The following USP49 variants were observed in gnomAD, a reference collection of about 807,000 sequenced individuals.
USP49 encodes ubiquitin carboxyl-terminal hydrolase 49.
In USP49, 24 loss-of-function variants were observed where a neutral mutation model predicts 58.6. The ratio of observed to expected loss-of-function variants is 0.41; its 90% CI spans 0.30 to 0.58. The LOEUF (loss-of-function observed/expected upper bound fraction) is 0.58, where lower values mean the gene tolerates loss of function less well. USP49 is among the 20% of genes least tolerant of loss of function. The pLI, the probability that USP49 is intolerant of heterozygous loss-of-function variation, is 0.30. For missense variants in USP49, 703 were observed against 866.1 expected (o/e 0.81, Z 2.36); for synonymous variants, 408 against 365.1 (o/e 1.12, Z -1.34).
intron 3 of USP49, among the ~76,000 whole-genome samples, chr6:41,841,848 G>C (rs1179074938): frequency 1.2e-4 from 18 of 152,182 alleles, no homozygotes. Flanking sequence ...CCTGAGGTCA[G>C]GAGTTCAAGA....
At chr6:41,797,085 C>T (rs1407209464) in intron 7 of USP49, among the ~76,000 whole-genome samples, 1 of 151,766 alleles carries the variant, frequency 6.6e-6, no homozygotes, top group Non-Finnish European at 1.5e-5. Flanking sequence ...CTCAGCCTCT[C>T]GAGTAGCTGG....
In USP49 at chr6:41,790,668, T is replaced by TA. The variant is rs2127311907; in HGVS notation, c.*5864dup. The TA allele has an allele frequency of 6.6e-6, 1 of 152,328 alleles. No individual in the cohort carries two copies. The highest frequency in any genetic ancestry group is 2.1e-4 in the South Asian group (1 of 4,822). The allele number at this position is 152,328 out of a possible 1,614,324, so 9.4% of individuals were successfully genotyped here. A position where few individuals can be genotyped will look rare whatever the true frequency, so the allele number is the denominator to read the frequency against. The stretch of plus-strand genomic sequence containing the variant: ...CTAGCAGTTTGTTCACTACTAAAGT[T>TA]AAACAGGACAAAATAGTCTTTCCTG... On this transcript the variant is annotated 3_prime_UTR_variant, in exon 8 of 8. Transcript: ENST00000682992.
intron 3 of USP49, among the ~76,000 whole-genome samples, chr6:41,816,342 G>A (rs533467999): frequency 1.3e-5 from 2 of 152,212 alleles, no homozygotes; most frequent in African/African-American, 4.8e-5. Context: ...TTTCCTTATA[G>A]CTAAATTCAT....
intron 3 of USP49, among the ~76,000 whole-genome samples, chr6:41,810,133 C>CAG (rs971826882): frequency 3.3e-5 from 5 of 150,814 alleles, no homozygotes; most frequent in African/African-American, 1.2e-4. Flanking sequence ...GCCTGGGCGA[C>CAG]AGAGCAAGAC....
chr6:41,853,669 C>G (rs1774071311), intron 3 of USP49, among the ~76,000 whole-genome samples: 1 of 152,104 alleles, frequency 6.6e-6, no homozygotes, highest in Non-Finnish European at 1.5e-5. Context: ...AAGGCCATCT[C>G]AAGGTACCAA....
At chr6:41,878,390 C>A (rs1400714086) in intron 2 of USP49, among the ~76,000 whole-genome samples, 1 of 152,138 alleles carries the variant, frequency 6.6e-6, no homozygotes, top group Non-Finnish European at 1.5e-5. Context: ...ATTGGGAATT[C>A]CTTCTCACCA....
chr6:41,827,533 G>A (rs374247712), intron 3 of USP49, among the ~76,000 whole-genome samples: 35 of 152,020 alleles, frequency 2.3e-4, no homozygotes, highest in South Asian at 1.5e-3. Context: ...GGTGGTGGGC[G>A]CCTGTAGTCC....
At chr6:41,875,578 C>G (rs949813629) in intron 2 of USP49, among the ~76,000 whole-genome samples, 5 of 152,140 alleles carry the variant, frequency 3.3e-5, no homozygotes, top group African/African-American at 1.2e-4. Flanking sequence ...TCTAGTCTGC[C>G]TATTATTTCC....
At chr6:41,838,299 G>A (rs535195837) in intron 3 of USP49, among the ~76,000 whole-genome samples, 1 of 152,284 alleles carries the variant, frequency 6.6e-6, no homozygotes, top group Non-Finnish European at 1.5e-5. Flanking sequence ...TTCACTGCTA[G>A]CATAACCAGC....
At chr6:41,799,069 A>G (rs1246921034) in intron 6 of USP49, 140 bp from the exon 7 acceptor site, 2 of 898,030 alleles carry the variant, frequency 2.2e-6, no homozygotes, top group Non-Finnish European at 3.2e-6. Context: ...GGTGGTAATC[A>G]ATGTTCACAC....
In USP49 at chr6:41,829,166, T is replaced by G. The variant is rs1039503982; in HGVS notation, c.-28-22155A>C. 2.6e-5 allele frequency among the ~76,000 whole-genome samples: 4 copies of G among 152,328 alleles called. No individual in the cohort carries two copies. In the South Asian group the frequency reaches 8.3e-4, roughly 32 times the overall value. On this transcript the variant is annotated intron_variant, in intron 3 of 7. Coordinates refer to ENST00000682992, the MANE Select transcript of USP49 (RefSeq NM_001286554.2). Reference sequence around the variant, plus strand: ...TGATTGATTTCTGTATTAGGTTTAATCATATGAAACTGCAAATAAATATTT... The same window carrying G: ...TGATTGATTTCTGTATTAGGTTTAAGCATATGAAACTGCAAATAAATATTT...
chr6:41,877,148 G>A (rs995299130), intron 2 of USP49, among the ~76,000 whole-genome samples: 2 of 152,172 alleles, frequency 1.3e-5, no homozygotes. Flanking sequence ...TTTGCCATGG[G>A]TTTTGTCCAT....
intron 3 of USP49, among the ~76,000 whole-genome samples, chr6:41,830,992 C>A (rs958039581): frequency 1.3e-5 from 2 of 152,138 alleles, no homozygotes; most frequent in Admixed American, 1.3e-4. Flanking sequence ...ATTGGTGACT[C>A]ATGCCTGTAA....
intron 3 of USP49, among the ~76,000 whole-genome samples, chr6:41,824,165 A>G (rs188523543): frequency 6.6e-6 from 1 of 152,256 alleles, no homozygotes; most frequent in African/African-American, 2.4e-5. Context: ...GCTGGTTTTC[A>G]GCATCTTACA....
intron 3 of USP49, among the ~76,000 whole-genome samples, chr6:41,840,141 G>A (rs1376892228): frequency 2.0e-5 from 3 of 151,858 alleles, no homozygotes; most frequent in Admixed American, 6.6e-5. Context: ...TTGGGAGGCC[G>A]AGGTGGGCGG....
At chr6:41,870,363 G>T (rs549303412) in intron 3 of USP49, among the ~76,000 whole-genome samples, 2 of 152,186 alleles carry the variant, frequency 1.3e-5, no homozygotes, top group East Asian at 3.8e-4. Context: ...ACTAGGCAAA[G>T]AAGGTTGCAC....
chr6:41,849,593 G>GT (rs1251283770), intron 3 of USP49, among the ~76,000 whole-genome samples: 1 of 151,592 alleles, frequency 6.6e-6, no homozygotes, highest in Non-Finnish European at 1.5e-5. Flanking sequence ...ATCACACAAA[G>GT]TATCTTTTCT....
At chr6:41,822,943 T>C (rs1015465194) in intron 3 of USP49, among the ~76,000 whole-genome samples, 3 of 152,126 alleles carry the variant, frequency 2.0e-5, no homozygotes, top group Non-Finnish European at 4.4e-5. Context: ...CATTGGAAGC[T>C]ACAAAGAGAT....
At chr6:41,799,758 G>A in intron 6 of USP49, 72 bp downstream of exon 6, 1 of 1,324,566 alleles carries the variant, frequency 7.5e-7, no homozygotes, top group Non-Finnish European at 1.1e-6. Flanking sequence ...GAAGACATTT[G>A]CCCTCACCAA....
Sources: gnomAD v4.1 joint callset for allele counts (sites outside exome capture counted in the v4.1 genomes callset) on GRCh38, gnomAD v4.1.1 for gene constraint, MANE v1.5 for transcripts, NCBI Gene and HGNC (gene_info 2026-07-23, HGNC 2026-07-21) for gene names.